DAPK1: variants seen among roughly 807,000 people sequenced by gnomAD.
DAPK1 encodes death associated protein kinase 1, also known as death-associated protein kinase 1.
A neutral mutation model predicts 144.9 loss-of-function variants in DAPK1; 56 were observed. The ratio of observed to expected loss-of-function variants is 0.39; its 90% CI spans 0.31 to 0.48. The LOEUF is 0.48. Among genes scored for constraint, DAPK1 ranks in the 20% least tolerant of loss-of-function variants. The pLI, the probability that DAPK1 is intolerant of heterozygous loss-of-function variation, is 0.95. For synonymous variants in DAPK1, 690 were observed against 749.0 expected, an observed-to-expected ratio of 0.92 and a Z score of 1.29; for missense variants, 1,454 against 1,875.4, an observed-to-expected ratio of 0.78 and a Z score of 4.15.
At chr9:87,622,918 A>T (rs1012851780) in intron 3 of DAPK1, among the ~76,000 whole-genome samples, 3 of 152,158 alleles carry the variant, frequency 2.0e-5, no homozygotes, top group Non-Finnish European at 4.4e-5. Flanking sequence ...CTCTAAAAAA[A>T]AAATAAATAA....
chr9:87,639,597 G>A (rs921002237), intron 5 of DAPK1, 53 bp from the exon 6 acceptor site: 7 of 1,612,334 alleles, frequency 4.3e-6, no homozygotes, highest in African/African-American at 1.3e-5. Context: ...CATGAAGATA[G>A]AATCGGTTAG....
At chr9:87,655,422 A>G (rs1830598849) in intron 17 of DAPK1, among the ~76,000 whole-genome samples, 1 of 152,082 alleles carries the variant, frequency 6.6e-6, no homozygotes, top group Non-Finnish European at 1.5e-5. Flanking sequence ...CAGGTACGTA[A>G]CAGAAGGCAT....
intron 2 of DAPK1, among the ~76,000 whole-genome samples, chr9:87,580,687 CTG>C (rs1827722813): frequency 6.6e-6 from 1 of 152,224 alleles, no homozygotes; most frequent in East Asian, 1.9e-4. Context: ...AGCTCCTACT[CTG>C]TATGACTTTA....
At chr9:87,670,106 A>G (rs915517876) in intron 19 of DAPK1, among the ~76,000 whole-genome samples, 3 of 152,160 alleles carry the variant, frequency 2.0e-5, no homozygotes, top group Non-Finnish European at 4.4e-5. Context: ...ACTCTGTACC[A>G]TTATGGACTG....
chr9:87,587,574 T>C lies in DAPK1; in HGVS notation c.63-17380T>C, dbSNP rs36205436. Among the ~76,000 whole-genome samples, 1,312 of 152,350 alleles carry C rather than the reference T, an allele frequency of 8.6e-3. 13 individuals are homozygous for C. Among genetic ancestry groups the C allele is most frequent in the African/African-American group, 0.029 (1,219 of 41,574 alleles). ...TACCCACAAAATTTGACCATCCACT[T>C]CTAAGGCCAGAAAGACATCCGAATA... On this transcript the variant is annotated intron_variant, in intron 2 of 25. Coordinates refer to ENST00000408954, the MANE Select transcript of DAPK1 (RefSeq NM_004938.4).
At chr9:87,704,927 G>GT (rs879712219) in intron 25 of DAPK1, among the ~76,000 whole-genome samples, 3 of 152,046 alleles carry the variant, frequency 2.0e-5, no homozygotes, top group Non-Finnish European at 2.9e-5. Flanking sequence ...AGTTCCTTCT[G>GT]TTTTTTGTCA....
chr9:87,547,576 A>T (rs1826296612), intron 2 of DAPK1, among the ~76,000 whole-genome samples: 2 of 145,444 alleles, frequency 1.4e-5, no homozygotes, highest in African/African-American at 5.0e-5. Flanking sequence ...GGAGAGAGAG[A>T]GAGTGTGTGT....
chr9:87,695,482 T>C (rs1051279377), intron 21 of DAPK1, among the ~76,000 whole-genome samples: 1 of 152,076 alleles, frequency 6.6e-6, no homozygotes, highest in Non-Finnish European at 1.5e-5. Context: ...CCACTGGAGG[T>C]TCCGGGAGTC....
At chr9:87,634,838 C>T (rs550497731) in intron 3 of DAPK1, among the ~76,000 whole-genome samples, 1 of 152,008 alleles carries the variant, frequency 6.6e-6, no homozygotes, top group Non-Finnish European at 1.5e-5. Flanking sequence ...TGTGACACCT[C>T]GGGAATGGGC....
chr9:87,538,553 G>C (rs1825936152), intron 2 of DAPK1, among the ~76,000 whole-genome samples: 1 of 152,066 alleles, frequency 6.6e-6, no homozygotes, highest in Non-Finnish European at 1.5e-5. Context: ...CAACAACACG[G>C]TTCATTTGTC....
intron 3 of DAPK1, among the ~76,000 whole-genome samples, chr9:87,633,930 G>A (rs1829797521): frequency 6.6e-6 from 1 of 152,194 alleles, no homozygotes; most frequent in South Asian, 2.1e-4. Flanking sequence ...TGGAGAAGAG[G>A]AGAAGGGGGC....
chr9:87,643,072 T>G (rs1034192239), intron 10 of DAPK1, among the ~76,000 whole-genome samples: 7 of 152,162 alleles, frequency 4.6e-5, no homozygotes, highest in Non-Finnish European at 7.3e-5. Context: ...GAAGAAAATA[T>G]AGAGAGAGAA....
chr9:87,520,534 A>C (rs537449893), intron 2 of DAPK1, among the ~76,000 whole-genome samples: 25 of 152,324 alleles, frequency 1.6e-4, no homozygotes, highest in African/African-American at 6.0e-4. Flanking sequence ...CCGGAAGACA[A>C]GGGGAAAGTT....
intron 2 of DAPK1, among the ~76,000 whole-genome samples, chr9:87,580,861 T>C (rs938042302): frequency 1.3e-5 from 2 of 152,176 alleles, no homozygotes; most frequent in African/African-American, 2.4e-5. Flanking sequence ...GTGCTCTGAG[T>C]ATGGGTCTGT....
At chr9:87,701,673 G>A (rs1177481261) in intron 24 of DAPK1, among the ~76,000 whole-genome samples, 2 of 152,042 alleles carry the variant, frequency 1.3e-5, no homozygotes, top group Non-Finnish European at 2.9e-5. Flanking sequence ...ACAAATGCGG[G>A]CAGATGCCTG....
chr9:87,595,887 G>A (rs1047913529), intron 2 of DAPK1, among the ~76,000 whole-genome samples: 51 of 152,216 alleles, frequency 3.4e-4, no homozygotes, highest in African/African-American at 1.2e-3. Context: ...TGAGCTGCTT[G>A]CTCTACAAAT....
At chr9:87,635,433 G>A (rs541762521) in intron 3 of DAPK1, among the ~76,000 whole-genome samples, 5 of 152,280 alleles carry the variant, frequency 3.3e-5, no homozygotes, top group South Asian at 4.1e-4. Context: ...AGAGGGCCAC[G>A]GAGAGAAAGC....
chr9:87,521,797 T>C (rs75340963), intron 2 of DAPK1, among the ~76,000 whole-genome samples: 1 of 152,244 alleles, frequency 6.6e-6, no homozygotes, highest in Non-Finnish European at 1.5e-5. Flanking sequence ...ATGTTCAAAC[T>C]TAATCTCCAG....
At chr9:87,633,005 G>A (rs886560607) in intron 3 of DAPK1, 5 of 977,606 alleles carry the variant, frequency 5.1e-6, no homozygotes, top group African/African-American at 1.8e-5. Context: ...TATACATTAG[G>A]GATGAGAAGG....
Sources: gnomAD v4.1 joint callset for allele counts (sites outside exome capture counted in the v4.1 genomes callset) on GRCh38, gnomAD v4.1.1 for gene constraint, MANE v1.5 for transcripts, NCBI Gene and HGNC (gene_info 2026-07-23, HGNC 2026-07-21) for gene names.